Variants in CPPED1 observed in about 807,000 individuals in gnomAD.
The protein encoded by CPPED1 is calcineurin like phosphoesterase domain containing 1.
In CPPED1, 28 loss-of-function variants were observed where a neutral mutation model predicts 28.0. That is an observed-to-expected ratio of 1.00 (90% CI 0.74 to 1.37). The LOEUF (loss-of-function observed/expected upper bound fraction) is 1.37, where lower values mean the gene tolerates loss of function less well. Ranked by LOEUF, CPPED1 falls within the 40% of genes most tolerant of loss-of-function variation. The pLI is 0.00. For missense variants in CPPED1, 504 were observed against 416.5 expected, an observed-to-expected ratio of 1.21 and a Z score of -1.83; for synonymous variants, 198 against 180.2, an observed-to-expected ratio of 1.10 and a Z score of -0.79.
chr16:12,718,538 T>TAA (rs61306353), intron 2 of CPPED1, among the ~76,000 whole-genome samples: 3,783 of 117,666 alleles, frequency 0.032, 88 homozygotes, highest in East Asian at 0.1. Flanking sequence ...GACTCTGTCT[T>TAA]AAAAAAAAAA....
At chr16:12,735,174 C>T (rs1440428000) in intron 2 of CPPED1, among the ~76,000 whole-genome samples, 1 of 152,158 alleles carries the variant, frequency 6.6e-6, no homozygotes, top group Non-Finnish European at 1.5e-5. Context: ...AAAATCTGCT[C>T]CCAACATACT....
rs565246553 is a variant in CPPED1 at position 12,664,457 on chromosome 16, G to A, written c.*429C>T. On this transcript the variant is annotated 3_prime_UTR_variant, in exon 4 of 4. Coordinates refer to ENST00000381774, the MANE Select transcript of CPPED1 (RefSeq NM_018340.3). The surrounding 1 kb of genome is among the most constrained non-coding windows in gnomAD (Gnocchi z 4.2). ...TGTTTTGCCTAGCGTTTTGGGAATC[G>A]TGACCACAATTTAATACAATCAGGT... 42 of 1,006,412 alleles carry A rather than the reference G, an allele frequency of 4.2e-5. No individual in the cohort carries two copies. Among genetic ancestry groups the A allele is most frequent in the East Asian group, 3.3e-4 (3 of 9,000 alleles). The allele number at this position is 1,006,412 out of a possible 1,614,324, so 62.3% of individuals were successfully genotyped here.
chr16:12,715,778 T>G (rs1231868534), intron 2 of CPPED1, among the ~76,000 whole-genome samples: 1 of 152,176 alleles, frequency 6.6e-6, no homozygotes, highest in African/African-American at 2.4e-5. Context: ...TCCTCCAGCT[T>G]CACCGTCCCA....
At chr16:12,785,352 C>T (rs916010915) in intron 1 of CPPED1, among the ~76,000 whole-genome samples, 6 of 151,880 alleles carry the variant, frequency 4.0e-5, no homozygotes, top group Non-Finnish European at 7.4e-5. Context: ...CATGCTCAAG[C>T]GATCCTCCTG....
Position 12,713,376 on chromosome 16 carries a change from T to C in CPPED1, c.290-8327A>G, listed in dbSNP as rs957246712. ...CTAGTTTCTTCTTTTTTATTTTTTATTTTTTTTGAGATGGAGTCTCGCTCT... is the reference window on the plus strand; with the variant it reads ...CTAGTTTCTTCTTTTTTATTTTTTACTTTTTTTGAGATGGAGTCTCGCTCT... On this transcript the variant is annotated intron_variant, in intron 2 of 3. Transcript: ENST00000381774. 5.3e-5 allele frequency among the ~76,000 whole-genome samples: 8 copies of C among 151,922 alleles called. 1 individual carries two copies. Among genetic ancestry groups the C allele is most frequent in the Non-Finnish European group, 2.9e-5 (2 of 67,966 alleles).
chr16:12,748,070 C>G (rs2080302708), intron 2 of CPPED1, among the ~76,000 whole-genome samples: 1 of 152,240 alleles, frequency 6.6e-6, no homozygotes, highest in South Asian at 2.1e-4. Context: ...ATTAACATAC[C>G]ATTTCGTAGA....
rs2080066874 is a variant in CPPED1, at chr16:12,709,173, G to C, written c.290-4124C>G. ...AAACAGAAACCTGCCCAAGGACACA[G>C]AGCTTCAATGAGTTTCCTGTCTCAC... is the stretch of plus-strand genomic sequence containing the variant. On this transcript the variant is annotated intron_variant, in intron 2 of 3. Transcript: ENST00000381774. This position sits in a 1 kb window ranked among gnomAD's most constrained non-coding sequence, Gnocchi z 4.4. Among the ~76,000 whole-genome samples the C allele has an allele frequency of 6.6e-6, 1 of 152,136 alleles. No homozygotes were observed. The highest frequency in any genetic ancestry group is 2.4e-5 in the African/African-American group (1 of 41,410).
At chr16:12,671,977 T>C (rs941388042) in intron 3 of CPPED1, among the ~76,000 whole-genome samples, 3 of 152,240 alleles carry the variant, frequency 2.0e-5, no homozygotes, top group East Asian at 1.9e-4. Flanking sequence ...GGTCTAGATA[T>C]ACAAATCCTT....
rs181126375 is a variant in CPPED1, at chr16:12,786,015, C to T, written c.71-4612G>A. On this transcript the variant is annotated intron_variant, in intron 1 of 3. Transcript: ENST00000381774. ...TTCCTAGCTTAAATATGAGATTACT[C>T]GGTCAAACAGTACATGCCTGACAAT... Among the ~76,000 whole-genome samples the T allele has an allele frequency of 1.1e-3, 169 of 151,912 alleles. 1 individual carries two copies. The highest frequency in any genetic ancestry group is 3.8e-3 in the African/African-American group (158 of 41,428).
intron 1 of CPPED1, among the ~76,000 whole-genome samples, chr16:12,788,796 T>G (rs2080579324): frequency 6.6e-6 from 1 of 152,130 alleles, no homozygotes; most frequent in Non-Finnish European, 1.5e-5. Context: ...TTCCTTCAAA[T>G]GGAACGTCTT....
At chr16:12,756,254 A>G (rs1356064469) in intron 2 of CPPED1, among the ~76,000 whole-genome samples, 1 of 152,216 alleles carries the variant, frequency 6.6e-6, no homozygotes, top group Non-Finnish European at 1.5e-5. Flanking sequence ...CTGTGGATGT[A>G]GTCAGTTATC....
At chr16:12,704,528 CT>C (rs2080037335) in intron 3 of CPPED1, 95 bp downstream of exon 3, 5 of 1,338,748 alleles carry the variant, frequency 3.7e-6, no homozygotes, top group Non-Finnish European at 5.1e-6. Flanking sequence ...TCCTCTCTCC[CT>C]TTTTGACACA....
At chr16:12,723,968 C>T (rs943133563) in intron 2 of CPPED1, among the ~76,000 whole-genome samples, 1 of 152,162 alleles carries the variant, frequency 6.6e-6, no homozygotes, top group African/African-American at 2.4e-5. Flanking sequence ...CCAGCCACCA[C>T]CATGTCTTGG....
intron 1 of CPPED1, among the ~76,000 whole-genome samples, chr16:12,783,141 C>A (rs569783281): frequency 6.6e-6 from 1 of 152,262 alleles, no homozygotes; most frequent in East Asian, 1.9e-4. Flanking sequence ...AGCAAGTAAA[C>A]AAGCAGGGAA....
chr16:12,695,963 A>G (rs1216111678), intron 3 of CPPED1, among the ~76,000 whole-genome samples: 1 of 152,222 alleles, frequency 6.6e-6, no homozygotes, highest in Non-Finnish European at 1.5e-5. Flanking sequence ...TTTTATCACT[A>G]CATTCTGTAA....
chr16:12,693,749 T>C (rs1422660184), intron 3 of CPPED1, among the ~76,000 whole-genome samples: 1 of 152,204 alleles, frequency 6.6e-6, no homozygotes, highest in Admixed American at 6.5e-5. Context: ...TACAAAGGAA[T>C]CTCACTGCTA....
intron 2 of CPPED1, among the ~76,000 whole-genome samples, chr16:12,712,508 A>C (rs796999956): frequency 3.3e-5 from 5 of 152,336 alleles, no homozygotes; most frequent in African/African-American, 1.2e-4. Flanking sequence ...TCCTTGTAGC[A>C]ACAATTGAGA....
At chr16:12,775,292 A>C (rs545685905) in intron 2 of CPPED1, among the ~76,000 whole-genome samples, 1 of 152,248 alleles carries the variant, frequency 6.6e-6, no homozygotes, top group African/African-American at 2.4e-5. Flanking sequence ...GAAAGAAATA[A>C]ATTTCATTTC....
At chr16:12,792,691 T>C (rs2080603831) in intron 1 of CPPED1, among the ~76,000 whole-genome samples, 3 of 152,148 alleles carry the variant, frequency 2.0e-5, no homozygotes, top group Non-Finnish European at 4.4e-5. Flanking sequence ...GTCTTTCCCA[T>C]GCTGTTCGCA....
Sources: gnomAD v4.1 joint callset for allele counts (sites outside exome capture counted in the v4.1 genomes callset) on GRCh38, gnomAD v4.1.1 for gene constraint, Gnocchi (gnomAD v3.1) non-coding constraint, MANE v1.5 for transcripts, NCBI Gene and HGNC (gene_info 2026-07-23, HGNC 2026-07-21) for gene names.